SUV39H2: variants seen among roughly 807,000 people sequenced by gnomAD.
The protein encoded by SUV39H2 is histone-lysine N-methyltransferase SUV39H2.
SUV39H2 carries 10 observed loss-of-function variants against 47.5 expected under a neutral mutation model. The observed-to-expected ratio is 0.21, with a 90% CI of 0.13 to 0.36. The LOEUF is 0.36. SUV39H2 is among the 10% of genes least tolerant of loss of function. The pLI is 1.00. For missense variants in SUV39H2, 266 were observed against 487.4 expected, an observed-to-expected ratio of 0.55 and a Z score of 4.28; for synonymous variants, 159 against 166.8, an observed-to-expected ratio of 0.95 and a Z score of 0.36.
chr10:14,901,585 T>C (rs1588865093), intron 5 of SUV39H2, among the ~76,000 whole-genome samples: 1 of 151,780 alleles, frequency 6.6e-6, no homozygotes, highest in Non-Finnish European at 1.5e-5. Context: ...GCATGCTGGC[T>C]CCTGCCTGTA....
intron 3 of SUV39H2, chr10:14,899,097 C>G (rs1051336021): frequency 6.4e-6 from 4 of 624,732 alleles, no homozygotes; most frequent in Non-Finnish European, 1.2e-5. Context: ...AGGCTGGAGG[C>G]TCACTTGAGC....
intron 2 of SUV39H2, among the ~76,000 whole-genome samples, chr10:14,882,431 C>T (rs1436866782): frequency 6.6e-6 from 1 of 152,210 alleles, no homozygotes; most frequent in Non-Finnish European, 1.5e-5. Context: ...CTTCCCTGCT[C>T]AGTGGGATCT....
intron 5 of SUV39H2, among the ~76,000 whole-genome samples, chr10:14,901,839 CTATA>C (rs202225644): frequency 0.072 from 10,969 of 151,908 alleles, 487 homozygotes; most frequent in South Asian, 0.21. Context: ...AAAAAAAAAA[CTATA>C]AGCCTACATT....
chr10:14,885,619 C>G (rs1833183975), intron 2 of SUV39H2, among the ~76,000 whole-genome samples: 4 of 152,178 alleles, frequency 2.6e-5, no homozygotes. Flanking sequence ...CATCCCTTTT[C>G]TTGCTTCGGA....
At chr10:14,880,647 A>G (rs994172391) in intron 1 of SUV39H2, among the ~76,000 whole-genome samples, 5 of 152,226 alleles carry the variant, frequency 3.3e-5, no homozygotes, top group Admixed American at 3.3e-4. Flanking sequence ...TTTACACTTT[A>G]AATTCAGTGT....
chr10:14,888,052 G>T (rs891312550), intron 2 of SUV39H2, among the ~76,000 whole-genome samples: 1 of 152,174 alleles, frequency 6.6e-6, no homozygotes, highest in Non-Finnish European at 1.5e-5. Flanking sequence ...AGAGTGTGCG[G>T]CTCCTCATAG....
At chr10:14,898,652 G>A (rs1484658919) in intron 3 of SUV39H2, 1 of 152,164 alleles carries the variant, frequency 6.6e-6, no homozygotes, top group Non-Finnish European at 1.5e-5. Context: ...GCCAAATTTG[G>A]TTGGTAACAT....
intron 5 of SUV39H2, 42 bp from the exon 6 acceptor site, chr10:14,902,364 C>T: frequency 7.3e-7 from 1 of 1,365,338 alleles, no homozygotes; most frequent in Admixed American, 2.1e-5. Flanking sequence ...TCTAAATTGT[C>T]TTAACTCTCT....
At chr10:14,891,101 C>A (rs146134713) in intron 2 of SUV39H2, among the ~76,000 whole-genome samples, 1 of 152,290 alleles carries the variant, frequency 6.6e-6, no homozygotes, top group East Asian at 1.9e-4. Context: ...TGATGGTGAT[C>A]AGTTCTTCTT....
At chr10:14,899,227 G>A (rs2131712457) in intron 3 of SUV39H2, 1 of 702,128 alleles carries the variant, frequency 1.4e-6, no homozygotes, top group East Asian at 2.7e-5. Context: ...GGCTGAGGCA[G>A]GAAGATCGCT....
rs1834179037 is a variant in SUV39H2, at chr10:14,903,857, A to C, written c.*1345A>C. ...AATAAGCTTGGATAAAATTGAACCA[A>C]CTTCAAGAATGCAGCACTTCTTAAT... On this transcript the variant is annotated 3_prime_UTR_variant, in exon 6 of 6. Transcript: ENST00000354919. 1 of 152,216 alleles carries C rather than the reference A, an allele frequency of 6.6e-6. No homozygotes were observed. Among genetic ancestry groups the C allele is most frequent in the South Asian group, 2.1e-4 (1 of 4,832 alleles). 9.4% of individuals were successfully genotyped at this position (152,216 alleles called of 1,614,324 possible). A position where few individuals can be genotyped will look rare whatever the true frequency, so the allele number is the denominator to read the frequency against.
chr10:14,881,477 A>G, intron 1 of SUV39H2, 23 bp from the exon 2 acceptor site: 1 of 1,444,618 alleles, frequency 6.9e-7, no homozygotes, highest in Non-Finnish European at 9.1e-7. Flanking sequence ...TCATTAGTAA[A>G]GAATTCTATT....
chr10:14,883,605 T>C (rs1380443047), intron 2 of SUV39H2, among the ~76,000 whole-genome samples: 1 of 147,470 alleles, frequency 6.8e-6, no homozygotes, highest in East Asian at 2.0e-4. Flanking sequence ...CTCAGGAGGC[T>C]GAGGCAGGAG....
chr10:14,889,549 C>T (rs1833321531), intron 2 of SUV39H2, among the ~76,000 whole-genome samples: 2 of 152,208 alleles, frequency 1.3e-5, no homozygotes, highest in African/African-American at 2.4e-5. Context: ...TCTCTCTTTT[C>T]ATGTCTGCAT....
intron 2 of SUV39H2, among the ~76,000 whole-genome samples, chr10:14,895,372 C>G (rs371750661): frequency 2.0e-5 from 3 of 151,968 alleles, no homozygotes; most frequent in Non-Finnish European, 1.5e-5. Flanking sequence ...GACAGGGTTT[C>G]GCCATATTGG....
chr10:14,884,620 A>G (rs1833147998), intron 2 of SUV39H2, among the ~76,000 whole-genome samples: 1 of 152,116 alleles, frequency 6.6e-6, no homozygotes, highest in African/African-American at 2.4e-5. Flanking sequence ...TCCACTTCCC[A>G]TTAGCTTTTT....
At chr10:14,895,821 A>G (rs1015407252) in intron 2 of SUV39H2, among the ~76,000 whole-genome samples, 7 of 152,186 alleles carry the variant, frequency 4.6e-5, no homozygotes, top group Admixed American at 2.0e-4. Context: ...ATTTGATCCA[A>G]TATATCCAAA....
At chr10:14,890,621 A>G (rs1044982542) in intron 2 of SUV39H2, among the ~76,000 whole-genome samples, 12 of 152,312 alleles carry the variant, frequency 7.9e-5, no homozygotes, top group Admixed American at 2.6e-4. Flanking sequence ...GGCTCAAGCA[A>G]TCCTCCTGCC....
chr10:14,884,038 T>C (rs1345034733), intron 2 of SUV39H2, among the ~76,000 whole-genome samples: 3 of 152,246 alleles, frequency 2.0e-5, no homozygotes, highest in Non-Finnish European at 2.9e-5. Flanking sequence ...CCAAATAATA[T>C]TTCATTGTAT....
Sources: allele counts gnomAD v4.1 joint callset (sites outside exome capture counted in the v4.1 genomes callset), GRCh38; gene constraint gnomAD v4.1.1; transcripts MANE v1.5; gene names NCBI Gene and HGNC (gene_info 2026-07-23, HGNC 2026-07-21).